ADAM2: variants seen among roughly 807,000 people sequenced by gnomAD.
ADAM2 encodes ADAM metallopeptidase domain 2.
ADAM2 carries 101 observed loss-of-function variants against 99.3 expected under a neutral mutation model. The observed-to-expected ratio is 1.02, with a 90% CI of 0.87 to 1.20. The LOEUF is 1.20. Ranked by LOEUF, ADAM2 falls within the 50% of genes most tolerant of loss-of-function variation. The probability of loss-of-function intolerance (pLI) is 0.00; values close to 1 mark genes in which losing one functional copy is unlikely to be tolerated. For synonymous variants in ADAM2, 323 were observed against 287.6 expected, an observed-to-expected ratio of 1.12 and a Z score of -1.25; for missense variants, 948 against 878.7, an observed-to-expected ratio of 1.08 and a Z score of -1.00.
At position 39,749,702 on chromosome 8, in the gene ADAM2, A is replaced by T; in HGVS notation, c.1840T>A (p.Tyr614Asn). The change falls in exon 17 of 21, where the codon TAT (tyrosine) becomes AAT (asparagine). Residue 614 changes from tyrosine (Y) to asparagine (N), a missense_variant. By Grantham distance (143) the Tyr-to-Asn change is moderately radical (BLOSUM62 -2). Transcript: ENST00000265708. ...TTGCATTTGTCAGTAGTACAATCAT[A>T]ACCCAAGTATGAAGAACTCACACAT... Reference protein sequence around the residue: ...QRCVSSSYLGYDCTTDKCNDR... With the variant: ...QRCVSSSYLGNDCTTDKCNDR... 6.2e-7 allele frequency: 1 copy of T among 1,612,544 alleles called. No individual in the cohort carries two copies. The highest frequency in any genetic ancestry group is 8.5e-7 in the Non-Finnish European group (1 of 1,178,962).
In ADAM2 at chr8:39,809,432, T is replaced by C. The variant is rs1341408206; in HGVS notation, c.548A>G (p.His183Arg). The change falls in exon 7 of 21, where the codon CAT (histidine) becomes CGT (arginine). Residue 183 changes from histidine (H) to arginine (R), a missense_variant. Transcript: ENST00000265708. ...TACCAATTGTTTTTCAACTATAACATGCATTTCTATATACTTTGCAAAATC... is the reference window on the plus strand; with the variant it reads ...TACCAATTGTTTTTCAACTATAACACGCATTTCTATATACTTTGCAAAATC... ...QQDFAKYIEMHVIVEKQLYNH... is the reference protein window; with the variant it reads ...QQDFAKYIEMRVIVEKQLYNH... 1 of 1,400,958 alleles carries C rather than the reference T, an allele frequency of 7.1e-7. No homozygotes were observed. 86.8% of individuals were successfully genotyped at this position (1,400,958 alleles called of 1,614,324 possible).
At chr8:39,800,314 G>A (rs1022903087) in intron 7 of ADAM2, among the ~76,000 whole-genome samples, 1 of 152,102 alleles carries the variant, frequency 6.6e-6, no homozygotes, top group South Asian at 2.1e-4. Flanking sequence ...TAAATTCTGG[G>A]TTGAAAATTC....
intron 16 of ADAM2, 65 bp from the exon 17 acceptor site, chr8:39,749,809 C>A (rs1020627131): frequency 8.5e-7 from 1 of 1,180,248 alleles, no homozygotes; most frequent in African/African-American, 1.5e-5. Context: ...TAATTAAAAG[C>A]ATTCCATACC....
rs185651541 is a variant in ADAM2, at chr8:39,769,715, T to A, written c.1029-140A>T. 5.5e-3 allele frequency: 3,327 copies of A among 600,132 alleles called. 16 individuals are homozygous for A. Among genetic ancestry groups the A allele is most frequent in the Non-Finnish European group, 7.3e-3 (2,461 of 338,300 alleles). 37.2% of individuals were successfully genotyped at this position (600,132 alleles called of 1,614,324 possible). ...TGTCAATGCTTTCAATCTCTGTGCA[T>A]GGGAAGTCAACTGTGCAAGAATGTA... On this transcript the variant is annotated intron_variant, in intron 11 of 20. Transcript: ENST00000265708.
At chr8:39,795,522 A>G (rs1033091436) in intron 7 of ADAM2, among the ~76,000 whole-genome samples, 1 of 152,154 alleles carries the variant, frequency 6.6e-6, no homozygotes, top group African/African-American at 2.4e-5. Flanking sequence ...TCATTTAACA[A>G]TCAGAAAATT....
chr8:39,781,147 C>T (rs1803213513), intron 10 of ADAM2, among the ~76,000 whole-genome samples: 2 of 151,734 alleles, frequency 1.3e-5, no homozygotes, highest in Non-Finnish European at 2.9e-5. Flanking sequence ...ATATACATAT[C>T]AATGTGTGTG....
chr8:39,823,208 C>G (rs1331844667), intron 4 of ADAM2, among the ~76,000 whole-genome samples: 1 of 152,190 alleles, frequency 6.6e-6, no homozygotes, highest in African/African-American at 2.4e-5. Context: ...ACTTGTCCTA[C>G]TCTGGATGCA....
At chr8:39,807,496 T>A (rs754563274) in intron 7 of ADAM2, among the ~76,000 whole-genome samples, 1 of 152,166 alleles carries the variant, frequency 6.6e-6, no homozygotes, top group Non-Finnish European at 1.5e-5. Flanking sequence ...AATTTCATAT[T>A]TTGGAGCCCT....
chr8:39,806,954 A>C (rs571959778), intron 7 of ADAM2, among the ~76,000 whole-genome samples: 2 of 152,210 alleles, frequency 1.3e-5, no homozygotes, highest in African/African-American at 4.8e-5. Flanking sequence ...AAATGAGCTG[A>C]AAATGAGCGC....
At chr8:39,774,724 A>T (rs571854577) in intron 11 of ADAM2, 26 of 152,196 alleles carry the variant, frequency 1.7e-4, no homozygotes, top group African/African-American at 5.5e-4. Context: ...GGCCCAAAGA[A>T]CTTCTTATAT....
rs1357527959 is a variant in ADAM2 at position 39,749,419 on chromosome 8, C to T, written c.1907G>A (p.Ser636Asn). The T allele has an allele frequency of 1.9e-6, 3 of 1,613,146 alleles. No individual in the cohort carries two copies. The highest frequency in any genetic ancestry group is 2.2e-5 in the South Asian group (2 of 91,028). ...GCAATCTGGAGGTAAATATGAAGCA[C>T]TACAGTGACAGTGCTTTTTGTTATT... ...VCNNKKHCHC[S>N]ASYLPPDCSV... Residue 636 changes from serine (S) to asparagine (N), a missense_variant, in exon 18 of 21, where the codon AGT (serine) becomes AAT (asparagine). Physicochemically the swap from Ser to Asn is conservative, Grantham distance 46 (BLOSUM62 1). Coordinates refer to ENST00000265708, the MANE Select transcript of ADAM2 (RefSeq NM_001464.5).
chr8:39,792,254 T>G (rs988543432), intron 7 of ADAM2, among the ~76,000 whole-genome samples: 2 of 151,958 alleles, frequency 1.3e-5, no homozygotes, highest in African/African-American at 4.8e-5. Context: ...AAAACCTTAC[T>G]AAACATAATT....
intron 7 of ADAM2, among the ~76,000 whole-genome samples, chr8:39,794,829 C>A (rs1486884137): frequency 2.0e-5 from 3 of 152,040 alleles, no homozygotes. Flanking sequence ...ATGCTCCTGG[C>A]TGAATAAACC....
chr8:39,767,621 ACTT>A (rs1004811734), intron 12 of ADAM2, among the ~76,000 whole-genome samples: 3 of 152,166 alleles, frequency 2.0e-5, no homozygotes, highest in Admixed American at 6.5e-5. Context: ...TGCAGTGACT[ACTT>A]CTTATTAGAG....
intron 10 of ADAM2, among the ~76,000 whole-genome samples, chr8:39,785,322 A>G (rs1277559747): frequency 6.6e-6 from 1 of 152,240 alleles, no homozygotes; most frequent in Non-Finnish European, 1.5e-5. Context: ...ATGAAACACC[A>G]TCTCACACCA....
chr8:39,782,639 A>G (rs1426900352), intron 10 of ADAM2, among the ~76,000 whole-genome samples: 1 of 152,144 alleles, frequency 6.6e-6, no homozygotes, highest in Non-Finnish European at 1.5e-5. Context: ...AATTTTATCC[A>G]TATTTATTGC....
At chr8:39,814,083 C>T (rs543623771) in intron 6 of ADAM2, among the ~76,000 whole-genome samples, 2 of 151,850 alleles carry the variant, frequency 1.3e-5, no homozygotes, top group South Asian at 2.1e-4. Context: ...ACAGGCCAGG[C>T]GTGGTGGCTC....
intron 7 of ADAM2, among the ~76,000 whole-genome samples, chr8:39,793,890 G>T (rs539236684): frequency 6.6e-6 from 1 of 152,208 alleles, no homozygotes; most frequent in South Asian, 2.1e-4. Flanking sequence ...GGCAGAAATA[G>T]CCTCGTCAGA....
chr8:39,830,020 CA>C (rs1185668955), intron 3 of ADAM2, among the ~76,000 whole-genome samples: 2 of 152,022 alleles, frequency 1.3e-5, no homozygotes, highest in African/African-American at 2.4e-5. Context: ...GCTATTATAG[CA>C]AATGAAAAAC....
Sources: allele counts gnomAD v4.1 joint callset (sites outside exome capture counted in the v4.1 genomes callset), GRCh38; gene constraint gnomAD v4.1.1; transcripts MANE v1.5; gene names NCBI Gene and HGNC (gene_info 2026-07-23, HGNC 2026-07-21).